PDE7B: variants seen among roughly 807,000 people sequenced by gnomAD.
The protein encoded by PDE7B is 3',5'-cyclic-AMP phosphodiesterase 7B.
A neutral mutation model predicts 56.2 loss-of-function variants in PDE7B; 29 were observed. That is an observed-to-expected ratio of 0.52 (90% CI 0.38 to 0.70). PDE7B has a LOEUF of 0.70. Among genes scored for constraint, PDE7B ranks in the 30% least tolerant of loss-of-function variants. The pLI is 0.00. For synonymous variants in PDE7B, 197 were observed against 196.9 expected, an observed-to-expected ratio of 1.00 and a Z score of 0.00; for missense variants, 490 against 565.0, an observed-to-expected ratio of 0.87 and a Z score of 1.35.
At chr6:135,897,848 AC>A in intron 1 of PDE7B, among the ~76,000 whole-genome samples, 1 of 152,148 alleles carries the variant, frequency 6.6e-6, no homozygotes, top group East Asian at 1.9e-4. Flanking sequence ...GCCAGTGGCC[AC>A]CAGCCCTGAT....
intron 2 of PDE7B, among the ~76,000 whole-genome samples, chr6:136,086,587 T>C (rs1336770995): frequency 1.3e-5 from 2 of 152,148 alleles, no homozygotes; most frequent in African/African-American, 4.8e-5. Flanking sequence ...AACATCCCAA[T>C]AGTGGTATAT....
chr6:135,874,130 G>A (rs1285236511), intron 1 of PDE7B, among the ~76,000 whole-genome samples: 1 of 152,174 alleles, frequency 6.6e-6, no homozygotes, highest in African/African-American at 2.4e-5. Context: ...AGACTTGAAG[G>A]AATTGAGGGA....
intron 2 of PDE7B, among the ~76,000 whole-genome samples, chr6:136,041,542 G>A (rs1776413126): frequency 1.3e-5 from 2 of 152,228 alleles, no homozygotes. Context: ...GACTGTAGGA[G>A]GGAATGGGAG....
At chr6:135,960,177 A>C (rs533419990) in intron 2 of PDE7B, among the ~76,000 whole-genome samples, 2 of 152,294 alleles carry the variant, frequency 1.3e-5, no homozygotes, top group East Asian at 3.9e-4. Context: ...CTAGGATTCT[A>C]GAATTTTGAC....
chr6:136,073,705 C>T lies in PDE7B; in HGVS notation c.83-35026C>T, dbSNP rs75843985. 3.3e-3 allele frequency among the ~76,000 whole-genome samples: 507 copies of T among 152,276 alleles called. 2 individuals are homozygous for T. Among genetic ancestry groups the T allele is most frequent in the African/African-American group, 0.011 (473 of 41,542 alleles). ...GTGCTTGGGTTAGGATTTTAACATA[C>T]GAATTTGGCAGGGGACACACTCTAG... is the stretch of plus-strand genomic sequence containing the variant. On this transcript the variant is annotated intron_variant, in intron 2 of 12. Transcript: ENST00000308191.
chr6:136,078,632 G>C (rs965062768), intron 2 of PDE7B, among the ~76,000 whole-genome samples: 7 of 151,744 alleles, frequency 4.6e-5, no homozygotes, highest in Non-Finnish European at 8.8e-5. Context: ...GAGGAAAAAA[G>C]CTCTTTGGAT....
At chr6:135,978,945 T>G (rs972032226) in intron 2 of PDE7B, among the ~76,000 whole-genome samples, 4 of 152,010 alleles carry the variant, frequency 2.6e-5, no homozygotes, top group Admixed American at 1.3e-4. Context: ...AGGGCATCCG[T>G]GTCTTGTGCC....
At chr6:135,862,816 A>C (rs1286642417) in intron 1 of PDE7B, among the ~76,000 whole-genome samples, 1 of 151,814 alleles carries the variant, frequency 6.6e-6, no homozygotes, top group Non-Finnish European at 1.5e-5. Flanking sequence ...TAAAGAAGCA[A>C]ATTTATTTTT....
chr6:136,014,550 C>A (rs1213525173), intron 2 of PDE7B, among the ~76,000 whole-genome samples: 1 of 152,146 alleles, frequency 6.6e-6, no homozygotes, highest in East Asian at 1.9e-4. Flanking sequence ...GGTTATATTT[C>A]AAAGAGCTAG....
chr6:135,886,035 T>A (rs780514534), intron 1 of PDE7B, among the ~76,000 whole-genome samples: 7 of 152,210 alleles, frequency 4.6e-5, no homozygotes, highest in Non-Finnish European at 8.8e-5. Context: ...TTGCTGCTAG[T>A]TTCTTGCCTA....
intron 1 of PDE7B, among the ~76,000 whole-genome samples, chr6:135,934,881 TTATTTAAATATA>T (rs1425338867): frequency 6.9e-5 from 7 of 100,970 alleles, no homozygotes; most frequent in South Asian, 4.9e-4. Context: ...ATATAAATAT[TTATTTAAATATA>T]TATTTAAATA....
chr6:136,189,874 C>T (rs1779194676), intron 12 of PDE7B, among the ~76,000 whole-genome samples: 1 of 152,142 alleles, frequency 6.6e-6, no homozygotes, highest in East Asian at 1.9e-4. Flanking sequence ...GAAAAACTGC[C>T]TCTTGGTGTC....
intron 1 of PDE7B, among the ~76,000 whole-genome samples, chr6:135,917,697 A>G (rs1174520088): frequency 6.6e-6 from 1 of 152,100 alleles, no homozygotes; most frequent in African/African-American, 2.4e-5. Context: ...CGTGAATCCT[A>G]ACTGGAGAAT....
At chr6:136,023,337 C>T (rs1159246710) in intron 2 of PDE7B, among the ~76,000 whole-genome samples, 5 of 152,206 alleles carry the variant, frequency 3.3e-5, no homozygotes, top group Non-Finnish European at 7.3e-5. Context: ...CAGAGACATT[C>T]TACAACCCCA....
chr6:135,989,670 T>C (rs1339474421), intron 2 of PDE7B, among the ~76,000 whole-genome samples: 1 of 152,140 alleles, frequency 6.6e-6, no homozygotes, highest in East Asian at 1.9e-4. Context: ...TGCAAAATTA[T>C]TTTCAGGGAA....
intron 2 of PDE7B, among the ~76,000 whole-genome samples, chr6:136,089,747 AT>A (rs1777355152): frequency 1.3e-5 from 2 of 152,210 alleles, no homozygotes; most frequent in African/African-American, 4.8e-5. Context: ...AAATGGCAAA[AT>A]ATTTTTGAAA....
intron 2 of PDE7B, among the ~76,000 whole-genome samples, chr6:136,075,932 T>C (rs1341587260): frequency 6.6e-6 from 1 of 152,224 alleles, no homozygotes; most frequent in South Asian, 2.1e-4. Flanking sequence ...AGGGATGACA[T>C]GTTTTGTCTC....
chr6:136,126,496 T>C (rs1473785204), intron 3 of PDE7B, among the ~76,000 whole-genome samples: 2 of 152,176 alleles, frequency 1.3e-5, no homozygotes, highest in Non-Finnish European at 2.9e-5. Context: ...AAAAGATACT[T>C]GCACGTGTAT....
At chr6:135,936,037 G>A (rs1051229413) in intron 1 of PDE7B, among the ~76,000 whole-genome samples, 8 of 152,174 alleles carry the variant, frequency 5.3e-5, no homozygotes, top group African/African-American at 1.4e-4. Flanking sequence ...GAGGCTCTGC[G>A]TTTGCATGTT....
Sources: allele counts gnomAD v4.1 joint callset (sites outside exome capture counted in the v4.1 genomes callset), GRCh38; gene constraint gnomAD v4.1.1; transcripts MANE v1.5; gene names NCBI Gene and HGNC (gene_info 2026-07-23, HGNC 2026-07-21).